EZR: variants seen among roughly 807,000 people sequenced by gnomAD.
EZR encodes ezrin.
A neutral mutation model predicts 74.8 loss-of-function variants in EZR; 40 were observed. The observed-to-expected ratio is 0.53, with a 90% CI of 0.42 to 0.70. EZR has a LOEUF of 0.70. Among genes scored for constraint, EZR ranks in the 30% least tolerant of loss-of-function variants. The pLI, the probability that EZR is intolerant of heterozygous loss-of-function variation, is 0.00. For missense variants in EZR, 678 were observed against 755.8 expected, an observed-to-expected ratio of 0.90 and a Z score of 1.21; for synonymous variants, 341 against 283.3, an observed-to-expected ratio of 1.20 and a Z score of -2.05.
intron 7 of EZR, among the ~76,000 whole-genome samples, chr6:158,781,555 T>C (rs758532577): frequency 5.9e-5 from 9 of 152,154 alleles, no homozygotes; most frequent in Non-Finnish European, 1.3e-4. Context: ...TTCCTGCAGG[T>C]TGAAAAACCT....
intron 2 of EZR, among the ~76,000 whole-genome samples, chr6:158,803,305 T>C (rs890489745): frequency 9.2e-5 from 14 of 151,412 alleles, no homozygotes; most frequent in Non-Finnish European, 1.9e-4. Context: ...TGACTCCAAA[T>C]GAGTACTCGA....
chr6:158,803,853 T>C (rs1777271351), intron 2 of EZR, among the ~76,000 whole-genome samples: 2 of 151,746 alleles, frequency 1.3e-5, no homozygotes, highest in South Asian at 4.2e-4. Flanking sequence ...GTCCCATCTG[T>C]GCTCATTATT....
At chr6:158,785,231 G>A (rs900662376) in intron 5 of EZR, 78 bp downstream of exon 5, 109 of 1,557,312 alleles carry the variant, frequency 7.0e-5, no homozygotes, top group Non-Finnish European at 9.5e-5. Flanking sequence ...TTTTTAAACT[G>A]TGCTTCTAAG....
At chr6:158,818,026 T>TC (rs1777598769) in intron 2 of EZR, 56 bp downstream of exon 2, 2 of 1,575,024 alleles carry the variant, frequency 1.3e-6, no homozygotes, top group East Asian at 2.3e-5. Context: ...AGCAGGTGCC[T>TC]CCCCTCTCCA....
At chr6:158,768,347 C>A (rs62431621) in intron 12 of EZR, among the ~76,000 whole-genome samples, 1 of 151,888 alleles carries the variant, frequency 6.6e-6, no homozygotes, top group African/African-American at 2.4e-5. Context: ...TCAATTAAAC[C>A]TCTTTTCTTT....
chr6:158,769,300 C>A (rs192121821), intron 12 of EZR, 26 bp downstream of exon 12: 6 of 1,599,374 alleles, frequency 3.8e-6, no homozygotes, highest in South Asian at 1.1e-5. Flanking sequence ...TGTGGCCGTG[C>A]GGAGGTGTCC....
chr6:158,817,544 T>C (rs528092278), intron 2 of EZR, among the ~76,000 whole-genome samples: 3 of 152,340 alleles, frequency 2.0e-5, no homozygotes, highest in South Asian at 4.1e-4. Context: ...GCCAGCAAGT[T>C]TGCTGGTGTA....
At chr6:158,774,609 G>A (rs1254357783) in intron 8 of EZR, among the ~76,000 whole-genome samples, 1 of 149,278 alleles carries the variant, frequency 6.7e-6, no homozygotes, top group South Asian at 2.1e-4. Flanking sequence ...CGTTACAATG[G>A]CTTCTGCTTG....
At chr6:158,817,943 A>C in intron 2 of EZR, 139 bp downstream of exon 2, 18 of 711,830 alleles carry the variant, frequency 2.5e-5, no homozygotes, top group Non-Finnish European at 3.0e-5. Flanking sequence ...GAGCGGCGAA[A>C]ACCTCCTCCT....
intron 2 of EZR, among the ~76,000 whole-genome samples, chr6:158,799,000 CCTTT>C (rs757969542): frequency 6.6e-6 from 1 of 152,130 alleles, no homozygotes; most frequent in African/African-American, 2.4e-5. Context: ...CTGAACATTC[CCTTT>C]CTATTTTAGA....
At position 158,766,717 on chromosome 6, in the gene EZR, G is replaced by A. The variant is rs567290131; in HGVS notation, c.*197C>T. The A allele has an allele frequency of 6.6e-5, 41 of 620,470 alleles. No individual in the cohort carries two copies. The African/African-American group carries it at 6.8e-4, about 10-fold the overall frequency. The allele number at this position is 620,470 out of a possible 1,614,324, so 38.4% of individuals were successfully genotyped here. On this transcript the variant is annotated 3_prime_UTR_variant, in exon 14 of 14. Transcript: ENST00000367075. ...ATAATCGCGAGAATCAGGCCTGCTT[G>A]GCACTATTACAACTGGGGAAAACAA...
Position 158,774,645 on chromosome 6 carries a change from G to C in EZR, c.795+1763C>G, listed in dbSNP as rs113133640. 1.2e-4 allele frequency among the ~76,000 whole-genome samples: 17 copies of C among 145,024 alleles called. 1 individual carries two copies. The highest frequency in any genetic ancestry group is 3.5e-3 in the Middle Eastern group (1 of 282). On this transcript the variant is annotated intron_variant, in intron 8 of 13. Transcript: ENST00000367075. ...GGGCTTATTATGAAAATATTCTTCA[G>C]CTTTTCAAGAGATGGACTTATCATC... is the stretch of plus-strand genomic sequence containing the variant.
At chr6:158,771,586 C>T (rs576782379) in intron 8 of EZR, among the ~76,000 whole-genome samples, 179 bp from the exon 9 acceptor site, 26 of 152,194 alleles carry the variant, frequency 1.7e-4, no homozygotes, top group African/African-American at 5.8e-4. Flanking sequence ...GGGCACGTGC[C>T]GCGTGTGTGT....
At chr6:158,806,553 C>T (rs1267338951) in intron 2 of EZR, among the ~76,000 whole-genome samples, 4 of 148,478 alleles carry the variant, frequency 2.7e-5, no homozygotes, top group Non-Finnish European at 4.5e-5. Context: ...CAGTATATTG[C>T]TCTAAAGCAC....
Position 158,789,067 on chromosome 6 carries a change from C to A in EZR, c.96+221G>T, listed in dbSNP as rs150945343. Reference sequence around the variant, plus strand: ...CCGCCTGACTTTATACAACAGACAGCTGTGTGCTTTCATACACCTCACTTC... The same window carrying A: ...CCGCCTGACTTTATACAACAGACAGATGTGTGCTTTCATACACCTCACTTC... On this transcript the variant is annotated intron_variant, in intron 3 of 13. Transcript: ENST00000367075. Among the ~76,000 whole-genome samples, 937 of 152,328 alleles carry A rather than the reference C, an allele frequency of 6.2e-3. 8 individuals are homozygous for A. The highest frequency in any genetic ancestry group is 0.022 in the African/African-American group (920 of 41,568).
intron 9 of EZR, 23 bp downstream of exon 9, chr6:158,771,221 C>A (rs560889226): frequency 4.4e-6 from 7 of 1,589,588 alleles, no homozygotes; most frequent in Admixed American, 1.8e-5. Flanking sequence ...CAGGCCCCCC[C>A]CACTCTGGCC....
At chr6:158,805,146 T>C (rs937732634) in intron 2 of EZR, among the ~76,000 whole-genome samples, 1 of 151,634 alleles carries the variant, frequency 6.6e-6, no homozygotes, top group African/African-American at 2.4e-5. Context: ...ACCAAGACCA[T>C]CCTGGCCAAC....
At chr6:158,795,183 C>T (rs1393416134) in intron 2 of EZR, among the ~76,000 whole-genome samples, 12 of 152,016 alleles carry the variant, frequency 7.9e-5, no homozygotes, top group Admixed American at 5.2e-4. Context: ...ACCTGGGAGG[C>T]GGAGGTTGCA....
Position 158,767,370 on chromosome 6 carries a change from G to A in EZR, c.1487C>T (p.Pro496Leu), listed in dbSNP as rs1240325924. ...AGACAGCTCCGCGCTGTAGCCCGTG[G>A]GCTCTGCGCCCTCATCCTGCAAGCT... ...QESLQDEGAE[P>L]TGYSAELSSE... The change falls in exon 13 of 14, where the codon CCC becomes CTC. Residue 496 changes from proline to leucine, a missense_variant. This residue lies in a region of EZR where 342 missense variants were observed against 341.2 expected (regional missense o/e 1.00). Coordinates refer to ENST00000367075, the MANE Select transcript of EZR (RefSeq NM_001111077.2). The A allele has an allele frequency of 6.2e-7, 1 of 1,614,130 alleles. No individual in the cohort carries two copies. The highest frequency in any genetic ancestry group is 8.5e-7 in the Non-Finnish European group (1 of 1,180,020).
Sources: gnomAD v4.1 joint callset for allele counts (sites outside exome capture counted in the v4.1 genomes callset) on GRCh38, gnomAD v4.1.1 for gene constraint, gnomAD v4.1.1 regional missense constraint, MANE v1.5 for transcripts, NCBI Gene and HGNC (gene_info 2026-07-23, HGNC 2026-07-21) for gene names.